Variants in DSCAM observed in about 807,000 individuals in gnomAD.
DSCAM encodes the protein DS cell adhesion molecule.
A neutral mutation model predicts 217.7 loss-of-function variants in DSCAM; 47 were observed. That is an observed-to-expected ratio of 0.22 (90% CI 0.17 to 0.28). The LOEUF (loss-of-function observed/expected upper bound fraction) is 0.28. Among genes scored for constraint, DSCAM ranks in the 10% least tolerant of loss-of-function variants. The pLI is 1.00. For synonymous variants in DSCAM, 1,056 were observed against 1,015.3 expected (o/e 1.04, Z -0.76); for missense variants, 2,080 against 2,618.3 (o/e 0.79, Z 4.49).
At chr21:40,165,010 C>G (rs2090578822) in intron 16 of DSCAM, among the ~76,000 whole-genome samples, 1 of 152,148 alleles carries the variant, frequency 6.6e-6, no homozygotes, top group African/African-American at 2.4e-5. Context: ...AACCCCAGAG[C>G]TATTTCCTCC....
At chr21:40,250,244 G>C (rs533155497) in intron 11 of DSCAM, among the ~76,000 whole-genome samples, 1 of 152,206 alleles carries the variant, frequency 6.6e-6, no homozygotes, top group South Asian at 2.1e-4. Flanking sequence ...CTCTTCATGT[G>C]GTCTGCGACA....
chr21:40,435,071 T>C (rs924737797), intron 3 of DSCAM, among the ~76,000 whole-genome samples: 2 of 152,300 alleles, frequency 1.3e-5, no homozygotes, highest in South Asian at 2.1e-4. Flanking sequence ...AGACAAATGG[T>C]AGGGAGCGGA....
chr21:40,499,512 C>A (rs1421438315), intron 3 of DSCAM, among the ~76,000 whole-genome samples: 1 of 152,176 alleles, frequency 6.6e-6, no homozygotes, highest in Non-Finnish European at 1.5e-5. Flanking sequence ...AAGGCACTCA[C>A]CAGCAACGCA....
intron 3 of DSCAM, among the ~76,000 whole-genome samples, chr21:40,512,277 T>A (rs550356508): frequency 1.3e-5 from 2 of 152,238 alleles, no homozygotes; most frequent in South Asian, 4.2e-4. Flanking sequence ...TCATATCTGT[T>A]ATTCCACAAA....
At chr21:40,780,428 T>C (rs2091532748) in intron 1 of DSCAM, among the ~76,000 whole-genome samples, 2 of 135,576 alleles carry the variant, frequency 1.5e-5, no homozygotes, top group South Asian at 4.7e-4. Flanking sequence ...TGTGTGTATA[T>C]ATATATATAT....
intron 3 of DSCAM, among the ~76,000 whole-genome samples, chr21:40,386,974 A>AT (rs575686824): frequency 3.9e-4 from 59 of 149,974 alleles, no homozygotes; most frequent in South Asian, 2.8e-3. Context: ...TTATTTTTCC[A>AT]TTTTTTTTTC....
intron 1 of DSCAM, among the ~76,000 whole-genome samples, chr21:40,772,462 C>T (rs1225245040): frequency 1.3e-5 from 2 of 152,172 alleles, no homozygotes; most frequent in East Asian, 3.9e-4. Context: ...AGCCACTGTG[C>T]CCAGCCTGAT....
intron 19 of DSCAM, among the ~76,000 whole-genome samples, chr21:40,125,924 T>C (rs2090088221): frequency 6.6e-6 from 1 of 152,178 alleles, no homozygotes; most frequent in Non-Finnish European, 1.5e-5. Context: ...CCCTGGTTGG[T>C]GTTCACCACA....
intron 3 of DSCAM, among the ~76,000 whole-genome samples, chr21:40,578,457 CACTCT>C (rs1296556905): frequency 2.8e-4 from 42 of 151,702 alleles, no homozygotes; most frequent in African/African-American, 7.0e-4. Context: ...GACCAATCAG[CACTCT>C]GTAAAACGGA....
chr21:40,078,577 T>C (rs2089402848), intron 26 of DSCAM, 110 bp downstream of exon 26: 1 of 1,427,008 alleles, frequency 7.0e-7, no homozygotes, highest in Non-Finnish European at 9.4e-7. Context: ...ATGGGCTCCG[T>C]GGGCACTGGT....
intron 16 of DSCAM, among the ~76,000 whole-genome samples, chr21:40,148,791 C>A (rs1254574493): frequency 6.6e-6 from 1 of 152,084 alleles, no homozygotes; most frequent in Non-Finnish European, 1.5e-5. Flanking sequence ...ACACCACCAC[C>A]ACCAGCAATA....
chr21:40,508,758 TATATA>T (rs2076231952), intron 3 of DSCAM, among the ~76,000 whole-genome samples: 1 of 14,768 alleles, frequency 6.8e-5, no homozygotes, highest in Non-Finnish European at 1.3e-4. Flanking sequence ...TATATATATA[TATATA>T]TATATATATA....
intron 1 of DSCAM, among the ~76,000 whole-genome samples, chr21:40,725,022 A>T (rs1047596322): frequency 2.6e-5 from 4 of 152,224 alleles, no homozygotes; most frequent in African/African-American, 7.2e-5. Flanking sequence ...TTTTAAAAAA[A>T]CTTTGAAAGA....
intron 3 of DSCAM, among the ~76,000 whole-genome samples, chr21:40,640,920 C>G (rs2089869838): frequency 6.6e-6 from 1 of 152,130 alleles, no homozygotes; most frequent in African/African-American, 2.4e-5. Context: ...GTGTTTTACA[C>G]AGTACGTGAA....
intron 28 of DSCAM, among the ~76,000 whole-genome samples, chr21:40,057,381 C>T (rs2089042445): frequency 6.6e-6 from 1 of 152,152 alleles, no homozygotes; most frequent in Non-Finnish European, 1.5e-5. Context: ...GCATTTACGG[C>T]ATGCTTAGAC....
intron 26 of DSCAM, among the ~76,000 whole-genome samples, chr21:40,076,961 A>G (rs1212821364): frequency 1.3e-5 from 2 of 152,226 alleles, no homozygotes; most frequent in Admixed American, 6.5e-5. Flanking sequence ...ATTTTGTAAG[A>G]TCAAATAATT....
intron 8 of DSCAM, among the ~76,000 whole-genome samples, chr21:40,322,678 T>C (rs117780116): frequency 0.025 from 3,765 of 152,020 alleles, 185 homozygotes; most frequent in East Asian, 0.23. Flanking sequence ...GTGCCCGCCA[T>C]TACACCTGGC....
intron 3 of DSCAM, among the ~76,000 whole-genome samples, chr21:40,408,165 A>G (rs1479374828): frequency 6.6e-6 from 1 of 152,140 alleles, no homozygotes. Context: ...CATGAAAACA[A>G]AGAATATATT....
At chr21:40,610,564 G>T (rs1297018111) in intron 3 of DSCAM, among the ~76,000 whole-genome samples, 1 of 152,136 alleles carries the variant, frequency 6.6e-6, no homozygotes, top group Non-Finnish European at 1.5e-5. Context: ...CTTGAATTTG[G>T]CACTTCTCCT....
Sources: gnomAD v4.1 joint callset for allele counts (sites outside exome capture counted in the v4.1 genomes callset) on GRCh38, gnomAD v4.1.1 for gene constraint, MANE v1.5 for transcripts, NCBI Gene and HGNC (gene_info 2026-07-23, HGNC 2026-07-21) for gene names.